Variants in PALLD observed in about 807,000 individuals in gnomAD.
The protein encoded by PALLD is palladin.
PALLD carries 61 observed loss-of-function variants against 123.5 expected under a neutral mutation model. The ratio of observed to expected loss-of-function variants is 0.49; its 90% CI spans 0.40 to 0.61. The LOEUF (loss-of-function observed/expected upper bound fraction) is 0.61, where lower values mean the gene tolerates loss of function less well. PALLD is among the 20% of genes least tolerant of loss of function. PALLD has a pLI of 0.00. For missense variants in PALLD, 1,273 were observed against 1,377.0 expected (o/e 0.92, Z 1.20); for synonymous variants, 465 against 496.4 (o/e 0.94, Z 0.84).
chr4:168,740,865 G>C (rs1262031153), intron 10 of PALLD, among the ~76,000 whole-genome samples: 1 of 152,194 alleles, frequency 6.6e-6, no homozygotes, highest in African/African-American at 2.4e-5. Flanking sequence ...AACTGCAAAC[G>C]AGTCTAAGAA....
At chr4:168,507,020 C>T (rs1005771243) in intron 1 of PALLD, among the ~76,000 whole-genome samples, 26 of 152,138 alleles carry the variant, frequency 1.7e-4, no homozygotes, top group African/African-American at 6.0e-4. Context: ...AAGTGCCACC[C>T]ATAGGCTAAT....
intron 10 of PALLD, among the ~76,000 whole-genome samples, chr4:168,715,524 C>A (rs574654340): frequency 1.3e-5 from 2 of 152,324 alleles, no homozygotes; most frequent in African/African-American, 4.8e-5. Context: ...AGGGAATGAG[C>A]GTAAACCTAA....
intron 2 of PALLD, chr4:168,631,744 T>C: frequency 2.0e-6 from 2 of 985,498 alleles, no homozygotes; most frequent in Non-Finnish European, 2.4e-6. Context: ...GCCGGCCTTT[T>C]GGCAGCGCGG....
intron 10 of PALLD, among the ~76,000 whole-genome samples, chr4:168,815,580 C>A (rs1581614083): frequency 6.6e-6 from 1 of 150,660 alleles, no homozygotes; most frequent in East Asian, 1.9e-4. Flanking sequence ...CACAAATATG[C>A]AAAATCGACT....
At chr4:168,845,858 C>T (rs373602152) in intron 10 of PALLD, among the ~76,000 whole-genome samples, 5 of 152,306 alleles carry the variant, frequency 3.3e-5, no homozygotes, top group East Asian at 3.9e-4. Flanking sequence ...GCTTGAAAGT[C>T]GTTTGTCTTA....
chr4:168,673,290 G>A (rs989764998), intron 3 of PALLD, among the ~76,000 whole-genome samples: 2 of 152,200 alleles, frequency 1.3e-5, no homozygotes, highest in African/African-American at 4.8e-5. Flanking sequence ...GATGGGATGC[G>A]GTGATCAGGA....
intron 6 of PALLD, among the ~76,000 whole-genome samples, chr4:168,688,767 C>G (rs1782328038): frequency 6.6e-6 from 1 of 152,140 alleles, no homozygotes; most frequent in South Asian, 2.1e-4. Context: ...ACATCTTTGA[C>G]TTTCCGACAC....
Position 168,621,158 on chromosome 4 carries a change from C to G in PALLD, c.909-47032C>G, listed in dbSNP as rs187155334. Among the ~76,000 whole-genome samples, 223 of 152,336 alleles carry G rather than the reference C, an allele frequency of 1.5e-3. 3 individuals carry two copies. Among genetic ancestry groups the G allele is most frequent in the African/African-American group, 5.0e-3 (206 of 41,580 alleles). ...GTTTGCTTTGTGTTATTTTTCTCTT[C>G]CCTAGCCATTGATAAACCTCTGAAA... On this transcript the variant is annotated intron_variant, in intron 2 of 21. Transcript: ENST00000505667.
chr4:168,695,558 A>G (rs946334718), intron 8 of PALLD, among the ~76,000 whole-genome samples: 3 of 152,158 alleles, frequency 2.0e-5, no homozygotes, highest in Non-Finnish European at 4.4e-5. Context: ...CTTTTCTATG[A>G]CATAATCTCT....
At chr4:168,577,435 A>C (rs1271422968) in intron 2 of PALLD, among the ~76,000 whole-genome samples, 2 of 152,152 alleles carry the variant, frequency 1.3e-5, no homozygotes, top group African/African-American at 4.8e-5. Context: ...GAGTATTCTT[A>C]TTTCTATTAA....
At position 168,621,401 on chromosome 4, in the gene PALLD, C is replaced by T. The variant is rs139596667; in HGVS notation, c.909-46789C>T. 7.9e-5 allele frequency among the ~76,000 whole-genome samples: 12 copies of T among 152,206 alleles called. No homozygotes were observed. The East Asian group carries it at 1.2e-3, about 15-fold the overall frequency. ...GGAGAGAGGGTAAAAATCCCTAGCC[C>T]GCAAATGAGGATCTATGGAACTCCC... On this transcript the variant is annotated intron_variant, in intron 2 of 21. Transcript: ENST00000505667.
intron 2 of PALLD, among the ~76,000 whole-genome samples, chr4:168,516,346 C>T (rs1286094924): frequency 6.6e-6 from 1 of 152,172 alleles, no homozygotes; most frequent in Non-Finnish European, 1.5e-5. Flanking sequence ...TGACATCACT[C>T]ACCTTCCCTG....
At chr4:168,886,377 C>T (rs1233328622) in intron 10 of PALLD, among the ~76,000 whole-genome samples, 4 of 152,128 alleles carry the variant, frequency 2.6e-5, no homozygotes, top group Non-Finnish European at 5.9e-5. Context: ...AACAGTGGCT[C>T]ACACCTGTAA....
chr4:168,665,426 A>G (rs188030469), intron 2 of PALLD, among the ~76,000 whole-genome samples: 11 of 152,318 alleles, frequency 7.2e-5, no homozygotes, highest in Non-Finnish European at 1.5e-4. Flanking sequence ...GACCAGAGGT[A>G]CAATATACAT....
chr4:168,828,857 T>G (rs536881393), intron 10 of PALLD: 1 of 152,274 alleles, frequency 6.6e-6, no homozygotes, highest in Non-Finnish European at 1.5e-5. Flanking sequence ...TGGAGGGAGT[T>G]CCTTGAGTGT....
At chr4:168,500,726 T>C (rs965531205) in intron 1 of PALLD, among the ~76,000 whole-genome samples, 2 of 152,184 alleles carry the variant, frequency 1.3e-5, no homozygotes, top group African/African-American at 4.8e-5. Flanking sequence ...CCAAATATCA[T>C]AGAGCTGGCT....
At chr4:168,784,337 A>G (rs188499321) in intron 10 of PALLD, among the ~76,000 whole-genome samples, 250 of 152,180 alleles carry the variant, frequency 1.6e-3, no homozygotes, top group African/African-American at 5.5e-3. Flanking sequence ...TGAAAAAAAA[A>G]AGAGAGAGAG....
intron 2 of PALLD, among the ~76,000 whole-genome samples, chr4:168,565,200 C>CT (rs902383137): frequency 2.1e-4 from 32 of 149,362 alleles, no homozygotes; most frequent in East Asian, 3.9e-4. Context: ...TAGTCTTTCA[C>CT]TTTTTTTTTT....
rs534072126 is a variant in PALLD at position 168,509,672 on chromosome 4, G to A, written c.-82-1751G>A. On this transcript the variant is annotated intron_variant, in intron 1 of 21. Coordinates refer to ENST00000505667, the MANE Select transcript of PALLD (RefSeq NM_001166108.2). ...TAAGGATTTACTTGAAGAAGAGTGC[G>A]AAATATGGTTCAGTAGATAGAGTAG... is the stretch of plus-strand genomic sequence containing the variant. Among the ~76,000 whole-genome samples the A allele has an allele frequency of 2.0e-5, 3 of 152,266 alleles. No individual in the cohort carries two copies. The East Asian group carries it at 5.8e-4, about 29-fold the overall frequency.
Sources: gnomAD v4.1 joint callset for allele counts (sites outside exome capture counted in the v4.1 genomes callset) on GRCh38, gnomAD v4.1.1 for gene constraint, MANE v1.5 for transcripts, NCBI Gene and HGNC (gene_info 2026-07-23, HGNC 2026-07-21) for gene names.